The following TBC1D14 variants were observed in gnomAD, a reference collection of about 807,000 sequenced individuals.
TBC1D14 encodes TBC1 domain family, member 14.
A neutral mutation model predicts 79.0 loss-of-function variants in TBC1D14; 26 were observed. The observed-to-expected ratio is 0.33, with a 90% CI of 0.24 to 0.46. The LOEUF (loss-of-function observed/expected upper bound fraction) is 0.46, where lower values mean the gene tolerates loss of function less well. Ranked by LOEUF, TBC1D14 falls within the 20% of genes least tolerant of loss-of-function variation. TBC1D14 has a pLI of 1.00. For missense variants in TBC1D14, 769 were observed against 887.6 expected, an observed-to-expected ratio of 0.87 and a Z score of 1.70; for synonymous variants, 394 against 349.9, an observed-to-expected ratio of 1.13 and a Z score of -1.40.
At chr4:6,919,753 T>G (rs199649685) in intron 1 of TBC1D14, among the ~76,000 whole-genome samples, 1 of 145,652 alleles carries the variant, frequency 6.9e-6, no homozygotes, top group East Asian at 2.0e-4. Context: ...CCTGAGTAGC[T>G]AGGATTACAG....
intron 2 of TBC1D14, among the ~76,000 whole-genome samples, chr4:6,938,311 C>T (rs576216038): frequency 2.6e-5 from 4 of 152,274 alleles, no homozygotes; most frequent in Admixed American, 6.5e-5. Context: ...CATGCTCGGC[C>T]ACCCTGCCCT....
intron 13 of TBC1D14, among the ~76,000 whole-genome samples, chr4:7,026,916 CA>C (rs890702675): frequency 6.6e-6 from 1 of 150,838 alleles, no homozygotes; most frequent in Non-Finnish European, 1.5e-5. Context: ...AACAAACAAA[CA>C]AAAAAAACAG....
At chr4:6,974,878 T>G (rs752580147) in intron 3 of TBC1D14, among the ~76,000 whole-genome samples, 1 of 152,212 alleles carries the variant, frequency 6.6e-6, no homozygotes, top group Non-Finnish European at 1.5e-5. Flanking sequence ...TCGTCTTTTT[T>G]TGTGTGTCTG....
intron 12 of TBC1D14, among the ~76,000 whole-genome samples, chr4:7,018,525 C>T (rs541721124): frequency 2.0e-5 from 3 of 152,262 alleles, no homozygotes; most frequent in Non-Finnish European, 4.4e-5. Flanking sequence ...TCCCCAGTGC[C>T]TGGCCCCATG....
chr4:6,964,102 T>G lies in TBC1D14; in HGVS notation c.723-3202T>G, dbSNP rs1412993954. ...TGAGCCACCGTGCCCAGCCACAACT[T>G]TGATTTTTGACATTAATTTTTATCT... On this transcript the variant is annotated intron_variant, in intron 2 of 13. Transcript: ENST00000409757. Among the ~76,000 whole-genome samples the G allele has an allele frequency of 2.0e-5, 3 of 151,942 alleles. No homozygotes were observed. In the East Asian group the frequency reaches 5.8e-4, roughly 29 times the overall value.
chr4:6,953,023 C>CT (rs371101904), intron 2 of TBC1D14, among the ~76,000 whole-genome samples: 77,052 of 106,990 alleles, frequency 0.72, 28,823 homozygotes, highest in East Asian at 0.91. Flanking sequence ...TTTTTTCTTT[C>CT]TTTTTTTTTT....
chr4:6,953,057 G>A (rs533177521), intron 2 of TBC1D14, among the ~76,000 whole-genome samples: 25 of 124,870 alleles, frequency 2.0e-4, no homozygotes, highest in African/African-American at 6.9e-4. Flanking sequence ...ACAGAGCCTC[G>A]CTCTGTTGCC....
At chr4:6,944,888 T>C (rs940712788) in intron 2 of TBC1D14, among the ~76,000 whole-genome samples, 4 of 152,204 alleles carry the variant, frequency 2.6e-5, no homozygotes, top group African/African-American at 7.2e-5. Context: ...CTCTCCCGTC[T>C]CCTCTGCAGC....
intron 2 of TBC1D14, among the ~76,000 whole-genome samples, chr4:6,942,478 C>T (rs1430566500): frequency 3.3e-5 from 5 of 152,206 alleles, no homozygotes; most frequent in Non-Finnish European, 5.9e-5. Context: ...TTGGGCCCCA[C>T]AGCAGTCCAG....
chr4:7,005,592 G>C (rs538748576), intron 8 of TBC1D14, among the ~76,000 whole-genome samples: 1 of 151,992 alleles, frequency 6.6e-6, no homozygotes, highest in Admixed American at 6.6e-5. Context: ...CCACCTACTC[G>C]GGAGGCTGAG....
At chr4:6,965,024 A>C (rs905118614) in intron 2 of TBC1D14, among the ~76,000 whole-genome samples, 1 of 152,216 alleles carries the variant, frequency 6.6e-6, no homozygotes, top group Non-Finnish European at 1.5e-5. Flanking sequence ...TAAATATATC[A>C]GCATATTTCC....
chr4:6,914,671 C>G (rs530107365), intron 1 of TBC1D14, among the ~76,000 whole-genome samples: 24 of 152,226 alleles, frequency 1.6e-4, no homozygotes, highest in Admixed American at 1.3e-3. Flanking sequence ...GCTTGGGGAG[C>G]GGAGGCAGCT....
chr4:6,929,939 T>A (rs1265758814), intron 2 of TBC1D14, among the ~76,000 whole-genome samples: 1 of 152,204 alleles, frequency 6.6e-6, no homozygotes, highest in African/African-American at 2.4e-5. Flanking sequence ...AGAGCTGCGA[T>A]TTGAACATTC....
At chr4:7,004,624 C>G (rs80057871) in intron 7 of TBC1D14, among the ~76,000 whole-genome samples, 4,012 of 152,286 alleles carry the variant, frequency 0.026, 90 homozygotes, top group Non-Finnish European at 0.047. Context: ...AACTAAATAG[C>G]AGTGATGTGT....
In TBC1D14 at chr4:7,014,522, G is replaced by T; in HGVS notation, c.1722G>T (p.Lys574Asn). The T allele has an allele frequency of 6.2e-7, 1 of 1,613,808 alleles. No individual in the cohort carries two copies. The highest frequency in any genetic ancestry group is 8.5e-7 in the Non-Finnish European group (1 of 1,179,802). The stretch of plus-strand genomic sequence containing the variant: ...CGAAATTATTTGCGCATTTCAAGAA[G>T]AACAACCTAACTCCAGATATCTACC... Reference protein sequence around the residue: ...NLPKLFAHFKKNNLTPDIYLI... With the variant: ...NLPKLFAHFKNNNLTPDIYLI... Residue 574 changes from lysine to asparagine, a missense_variant, in exon 12 of 14, where the codon AAG (lysine) becomes AAT (asparagine). Lys to Asn is a moderately conservative substitution (Grantham distance 94). Transcript: ENST00000409757.
intron 12 of TBC1D14, among the ~76,000 whole-genome samples, chr4:7,018,935 G>A (rs1177841846): frequency 6.6e-6 from 1 of 152,226 alleles, no homozygotes; most frequent in Non-Finnish European, 1.5e-5. Context: ...AAGAATCGGG[G>A]ACTACATTCC....
chr4:6,985,727 C>T (rs1402932892), intron 3 of TBC1D14, among the ~76,000 whole-genome samples: 1 of 150,318 alleles, frequency 6.7e-6, no homozygotes, highest in Non-Finnish European at 1.5e-5. Flanking sequence ...AATCTTTAGG[C>T]AGCCATGCTA....
At chr4:6,997,062 G>C (rs916988572) in intron 5 of TBC1D14, 5 of 152,284 alleles carry the variant, frequency 3.3e-5, no homozygotes, top group African/African-American at 9.7e-5. Flanking sequence ...TGATCACCAG[G>C]GTTGATTCGG....
At chr4:6,968,554 G>A (rs1177174841) in intron 3 of TBC1D14, among the ~76,000 whole-genome samples, 1 of 152,240 alleles carries the variant, frequency 6.6e-6, no homozygotes. Flanking sequence ...AAGTAGCACA[G>A]CTGGAAACCG....
Sources: allele counts gnomAD v4.1 joint callset (sites outside exome capture counted in the v4.1 genomes callset), GRCh38; gene constraint gnomAD v4.1.1; transcripts MANE v1.5; gene names NCBI Gene and HGNC (gene_info 2026-07-23, HGNC 2026-07-21).